The following SLC2A9 variants were observed in gnomAD, a reference collection of about 807,000 sequenced individuals.
SLC2A9 encodes solute carrier family 2, facilitated glucose transporter member 9.
SLC2A9 carries 39 observed loss-of-function variants against 50.6 expected under a neutral mutation model. That is an observed-to-expected ratio of 0.77 (90% CI 0.60 to 1.01). The LOEUF is 1.01. Ranked by LOEUF, SLC2A9 falls within the 50% of genes least tolerant of loss-of-function variation. The pLI, the probability that SLC2A9 is intolerant of heterozygous loss-of-function variation, is 0.00. For missense variants in SLC2A9, 686 were observed against 677.6 expected, an observed-to-expected ratio of 1.01 and a Z score of -0.14; for synonymous variants, 324 against 276.9, an observed-to-expected ratio of 1.17 and a Z score of -1.69.
chr4:9,971,957 C>A (rs1241918955), intron 5 of SLC2A9, among the ~76,000 whole-genome samples: 1 of 152,212 alleles, frequency 6.6e-6, no homozygotes, highest in African/African-American at 2.4e-5. Context: ...TGTTACTGAT[C>A]CTTCTATTCA....
chr4:9,880,186 T>A, intron 10 of SLC2A9: 1 of 985,472 alleles, frequency 1.0e-6, no homozygotes, highest in Non-Finnish European at 1.2e-6. Context: ...TGGCAGCTTT[T>A]CTTAGACAGG....
At chr4:9,894,330 G>T (rs1292682048) in intron 8 of SLC2A9, among the ~76,000 whole-genome samples, 1 of 152,146 alleles carries the variant, frequency 6.6e-6, no homozygotes, top group Non-Finnish European at 1.5e-5. Context: ...ACATAAATCT[G>T]TATATACTAA....
At chr4:9,924,209 A>G (rs1744481499) in intron 6 of SLC2A9, 1 of 152,176 alleles carries the variant, frequency 6.6e-6, no homozygotes, top group Non-Finnish European at 1.5e-5. Context: ...CTGGTGCTTC[A>G]ATTTGCTGAC....
intron 3 of SLC2A9, among the ~76,000 whole-genome samples, chr4:9,819,116 C>CAAAAAAAAAA (rs60751108): frequency 3.5e-5 from 2 of 57,372 alleles, no homozygotes; most frequent in African/African-American, 5.4e-5. Flanking sequence ...GAGACTGTCT[C>CAAAAAAAAAA]AAAAAAAAAA....
intron 2 of SLC2A9, among the ~76,000 whole-genome samples, chr4:10,001,918 C>T (rs1047875807): frequency 3.9e-5 from 6 of 152,214 alleles, no homozygotes; most frequent in African/African-American, 1.2e-4. Context: ...GCCAGACACC[C>T]GCTCTCCCAG....
At chr4:9,835,030 A>G (rs1324761494) in intron 10 of SLC2A9, 22 bp from the exon 11 acceptor site, 2 of 1,612,452 alleles carry the variant, frequency 1.2e-6, no homozygotes, top group African/African-American at 1.3e-5. Flanking sequence ...GAGCCAGGAC[A>G]TGGAATTAAT....
At chr4:9,845,427 C>CTTTTTTTTTTT (rs1175166447) in intron 10 of SLC2A9, among the ~76,000 whole-genome samples, 6 of 108,676 alleles carry the variant, frequency 5.5e-5, no homozygotes, top group Non-Finnish European at 9.0e-5. Context: ...TCATCAATTT[C>CTTTTTTTTTTT]TTTTTTTTTT....
At chr4:9,907,632 G>A (rs1169558694) in intron 8 of SLC2A9, among the ~76,000 whole-genome samples, 1 of 152,210 alleles carries the variant, frequency 6.6e-6, no homozygotes, top group Non-Finnish European at 1.5e-5. Context: ...AGAGATTGGA[G>A]ATTCAAGCCA....
downstream of SLC2A9, among the ~76,000 whole-genome samples, chr4:9,777,528 T>A (rs915459423): frequency 1.5e-5 from 2 of 133,744 alleles, no homozygotes; most frequent in Non-Finnish European, 3.2e-5. Context: ...TCAGGGGGAC[T>A]GGAACATCTG....
intron 2 of SLC2A9, among the ~76,000 whole-genome samples, chr4:10,004,146 G>A (rs1326994803): frequency 1.3e-5 from 2 of 152,220 alleles, no homozygotes; most frequent in Non-Finnish European, 2.9e-5. Context: ...AGGAGACATG[G>A]AATGAAGATT....
chr4:9,779,050 G>A (rs983893848), downstream of SLC2A9, among the ~76,000 whole-genome samples: 11 of 152,116 alleles, frequency 7.2e-5, no homozygotes, highest in Admixed American at 3.9e-4. Context: ...ACAGGCATGA[G>A]CCACCACACC....
intron 3 of SLC2A9, chr4:9,995,648 G>T (rs140117367): frequency 1.1e-4 from 16 of 152,324 alleles, no homozygotes; most frequent in African/African-American, 3.6e-4. Flanking sequence ...TCAAGGTGAT[G>T]ATGAGGGAAA....
At position 10,019,035 on chromosome 4, in the gene SLC2A9, G is replaced by A; in HGVS notation, c.189C>T (p.Gly63=). Residue 63 remains glycine, a synonymous_variant, in exon 2 of 12, where the codon GGC becomes GGT. Transcript: ENST00000264784. ...SCSLLVASLA[G]AFGSSFLYGY... Reference sequence around the variant, plus strand: ...CGTAGAGGAAGGAGGAGCCGAAGGCGCCCGCGAGGGAGGCCACGAGGAGCG... The same window carrying A: ...CGTAGAGGAAGGAGGAGCCGAAGGCACCCGCGAGGGAGGCCACGAGGAGCG... 1.3e-6 allele frequency: 2 copies of A among 1,550,972 alleles called. No individual in the cohort carries two copies. Among genetic ancestry groups the A allele is most frequent in the Non-Finnish European group, 1.7e-6 (2 of 1,146,958 alleles).
At chr4:9,836,088 CAAAAAAAAAAAAAA>C (rs35303241) in intron 10 of SLC2A9, among the ~76,000 whole-genome samples, 1 of 48,220 alleles carries the variant, frequency 2.1e-5, no homozygotes, top group Non-Finnish European at 3.5e-5. Flanking sequence ...AACTCCCTCT[CAAAAAAAAAAAAAA>C]AAAAAAAAAG....
At chr4:9,946,269 T>C (rs1749136346) in intron 5 of SLC2A9, among the ~76,000 whole-genome samples, 1 of 152,214 alleles carries the variant, frequency 6.6e-6, no homozygotes, top group Non-Finnish European at 1.5e-5. Flanking sequence ...TTCTTTAATC[T>C]GCAGGTTTCC....
At chr4:9,840,658 G>C (rs1727900888) in intron 10 of SLC2A9, among the ~76,000 whole-genome samples, 1 of 152,074 alleles carries the variant, frequency 6.6e-6, no homozygotes, top group South Asian at 2.1e-4. Context: ...TGGGATATTT[G>C]TCTTTTAGGT....
downstream of SLC2A9, among the ~76,000 whole-genome samples, chr4:9,778,802 G>A (rs547139743): frequency 6.6e-4 from 100 of 152,096 alleles, no homozygotes; most frequent in East Asian, 4.6e-3. Flanking sequence ...TCTCATCACA[G>A]TTTCTTTTTT....
At chr4:10,022,482 A>AC (rs1314201077), upstream of SLC2A9, among the ~76,000 whole-genome samples, 1 of 152,226 alleles carries the variant, frequency 6.6e-6, no homozygotes, top group African/African-American at 2.4e-5. Context: ...GGCCTCATGC[A>AC]CACCAGGAGG....
Position 9,880,976 on chromosome 4 carries a change from G to A in SLC2A9, c.1291+6591C>T, listed in dbSNP as rs144094429. ...GACCTCTAGTGAGTTCCATAAAACCGCAAATCCTTAGTGCAACAGCCAAGA... is the reference window on the plus strand; with the variant it reads ...GACCTCTAGTGAGTTCCATAAAACCACAAATCCTTAGTGCAACAGCCAAGA... On this transcript the variant is annotated intron_variant, in intron 10 of 11. Coordinates refer to ENST00000264784, the MANE Select transcript of SLC2A9 (RefSeq NM_020041.3). Among the ~76,000 whole-genome samples the A allele has an allele frequency of 3.0e-3, 453 of 152,250 alleles. 6 individuals are homozygous for A. Among genetic ancestry groups the A allele is most frequent in the African/African-American group, 0.01 (431 of 41,552 alleles).
Sources: gnomAD v4.1 joint callset for allele counts (sites outside exome capture counted in the v4.1 genomes callset) on GRCh38, gnomAD v4.1.1 for gene constraint, MANE v1.5 for transcripts, NCBI Gene and HGNC (gene_info 2026-07-23, HGNC 2026-07-21) for gene names.